CACNB4: variants seen among roughly 807,000 people sequenced by gnomAD.
CACNB4 encodes the protein calcium voltage-gated channel auxiliary subunit beta 4, also known as voltage-dependent L-type calcium channel subunit beta-4.
CACNB4 carries 32 observed loss-of-function variants against 71.2 expected under a neutral mutation model. The ratio of observed to expected loss-of-function variants is 0.45; its 90% CI spans 0.34 to 0.60. CACNB4 has a LOEUF of 0.60. Among genes scored for constraint, CACNB4 ranks in the 20% least tolerant of loss-of-function variants. The pLI, the probability that CACNB4 is intolerant of heterozygous loss-of-function variation, is 0.01. For missense variants in CACNB4, 464 were observed against 647.9 expected (o/e 0.72, Z 3.08); for synonymous variants, 231 against 236.9 (o/e 0.97, Z 0.23).
intron 2 of CACNB4, among the ~76,000 whole-genome samples, chr2:152,055,786 G>A (rs1053456390): frequency 1.3e-5 from 2 of 152,142 alleles, no homozygotes; most frequent in African/African-American, 4.8e-5. Flanking sequence ...TTTTTTCGGA[G>A]GAACTCTAAC....
chr2:151,923,232 T>C (rs1328985431), intron 2 of CACNB4, among the ~76,000 whole-genome samples: 1 of 152,200 alleles, frequency 6.6e-6, no homozygotes. Context: ...CTCCTAGCTA[T>C]TGCTTCTATT....
At chr2:151,841,046 A>G (rs1255549887) in intron 13 of CACNB4, among the ~76,000 whole-genome samples, 2 of 152,206 alleles carry the variant, frequency 1.3e-5, no homozygotes, top group African/African-American at 2.4e-5. Context: ...CCTAAAGGAC[A>G]CGTGCCACAG....
intron 2 of CACNB4, chr2:151,972,654 T>C (rs2099872887): frequency 6.6e-6 from 1 of 152,118 alleles, no homozygotes; most frequent in Non-Finnish European, 1.5e-5. Flanking sequence ...AGCACATCAT[T>C]AGACATATAC....
intron 10 of CACNB4, chr2:151,859,813 C>T (rs1373822052): frequency 1.3e-5 from 2 of 152,192 alleles, no homozygotes; most frequent in Non-Finnish European, 2.9e-5. Flanking sequence ...ACCTTCTTTA[C>T]AAATTGCACG....
At position 152,035,651 on chromosome 2, in the gene CACNB4, CTA is replaced by C. The variant is rs1553818082; in HGVS notation, c.147+62677_147+62678del. 2.1e-3 allele frequency among the ~76,000 whole-genome samples: 247 copies of C among 118,068 alleles called. 6 individuals carry two copies. The highest frequency in any genetic ancestry group is 8.2e-3 in the African/African-American group (225 of 27,592). 77.5% of individuals were successfully genotyped at this position (118,068 alleles called of 152,430 possible). A position where few individuals can be genotyped will look rare whatever the true frequency, so the allele number is the denominator to read the frequency against. On this transcript the variant is annotated intron_variant, in intron 2 of 13. Transcript: ENST00000539935. ...TCTCCCTCTCTCTCTCTCTCTCTCT[CTA>C]TATATATATATATATGTATGTATGT...
intron 2 of CACNB4, among the ~76,000 whole-genome samples, chr2:152,044,297 T>C (rs1213012066): frequency 6.6e-6 from 1 of 152,204 alleles, no homozygotes; most frequent in East Asian, 1.9e-4. Flanking sequence ...CTTGGCTCAC[T>C]GCAAGCTCCG....
chr2:151,901,585 C>A (rs1041345964), intron 2 of CACNB4, among the ~76,000 whole-genome samples: 3 of 151,552 alleles, frequency 2.0e-5, no homozygotes, highest in South Asian at 2.1e-4. Context: ...AACAAACAAA[C>A]AAAAAAAACC....
At chr2:151,870,898 A>C (rs1424297648) in intron 6 of CACNB4, 37 bp from the exon 7 acceptor site, 1 of 1,508,984 alleles carries the variant, frequency 6.6e-7, no homozygotes, top group Admixed American at 1.8e-5. Flanking sequence ...CAAAATATGT[A>C]AACTCTGCAA....
At position 152,096,803 on chromosome 2, in the gene CACNB4, G is replaced by C. The variant is rs1688292405; in HGVS notation, c.147+1527C>G. ...AGAATATTAGAATATTATTTTGTTT[G>C]TGCTTGGAAGGAAGAATAAAGCATT... On this transcript the variant is annotated intron_variant, in intron 2 of 13. Coordinates refer to ENST00000539935, the MANE Select transcript of CACNB4 (RefSeq NM_000726.5). 2.0e-5 allele frequency among the ~76,000 whole-genome samples: 3 copies of C among 152,156 alleles called. No individual in the cohort carries two copies. The South Asian group carries it at 6.2e-4, about 31-fold the overall frequency.
intron 2 of CACNB4, among the ~76,000 whole-genome samples, chr2:151,952,004 T>G (rs908772331): frequency 9.2e-5 from 14 of 152,188 alleles, no homozygotes; most frequent in African/African-American, 3.1e-4. Context: ...TCATTTACCT[T>G]CTCTGTGCCT....
intron 2 of CACNB4, among the ~76,000 whole-genome samples, chr2:152,067,596 A>C (rs1000749334): frequency 2.0e-5 from 3 of 152,164 alleles, no homozygotes; most frequent in Non-Finnish European, 4.4e-5. Flanking sequence ...ATCCCAAATA[A>C]ACTACCTGAA....
intron 2 of CACNB4, among the ~76,000 whole-genome samples, chr2:151,934,701 G>T (rs896018327): frequency 6.6e-6 from 1 of 152,146 alleles, no homozygotes; most frequent in African/African-American, 2.4e-5. Flanking sequence ...GCTGGGCATG[G>T]TGGTGCACAC....
intron 2 of CACNB4, chr2:151,973,969 A>G: frequency 8.2e-7 from 1 of 1,217,652 alleles, no homozygotes; most frequent in Non-Finnish European, 1.0e-6. Flanking sequence ...TCAACCACAG[A>G]CTGGTGACTG....
At chr2:151,948,000 A>G (rs538791345) in intron 2 of CACNB4, among the ~76,000 whole-genome samples, 10 of 152,192 alleles carry the variant, frequency 6.6e-5, no homozygotes, top group Non-Finnish European at 1.2e-4. Flanking sequence ...CAAGAAGCCA[A>G]TGACTCACTT....
chr2:152,056,057 A>AT (rs1314377883), intron 2 of CACNB4, among the ~76,000 whole-genome samples: 6 of 152,088 alleles, frequency 3.9e-5, no homozygotes, highest in African/African-American at 1.4e-4. Flanking sequence ...TACCCGCAAG[A>AT]TTTTTTAGAA....
intron 2 of CACNB4, among the ~76,000 whole-genome samples, chr2:151,959,888 G>A (rs1369537326): frequency 6.6e-6 from 1 of 152,122 alleles, no homozygotes; most frequent in Non-Finnish European, 1.5e-5. Flanking sequence ...GATTCAAGGA[G>A]TTTCACAGAC....
At chr2:151,991,948 A>G (rs549199563) in intron 2 of CACNB4, among the ~76,000 whole-genome samples, 1 of 152,316 alleles carries the variant, frequency 6.6e-6, no homozygotes, top group Admixed American at 6.5e-5. Context: ...AGAATACATA[A>G]CTGATTTCCG....
At chr2:152,012,687 G>A (rs1186625200) in intron 2 of CACNB4, among the ~76,000 whole-genome samples, 1 of 152,058 alleles carries the variant, frequency 6.6e-6, no homozygotes, top group African/African-American at 2.4e-5. Flanking sequence ...GAAGTATAAT[G>A]TGTTTGTGTT....
chr2:151,884,944 G>C (rs1017680730), intron 2 of CACNB4, among the ~76,000 whole-genome samples: 43 of 152,284 alleles, frequency 2.8e-4, no homozygotes, highest in African/African-American at 5.3e-4. Flanking sequence ...TGTCCACTGA[G>C]TGGGGGAAAA....
Sources: allele counts gnomAD v4.1 joint callset (sites outside exome capture counted in the v4.1 genomes callset), GRCh38; gene constraint gnomAD v4.1.1; transcripts MANE v1.5; gene names NCBI Gene and HGNC (gene_info 2026-07-23, HGNC 2026-07-21).